Variants in CFAP65 observed in about 807,000 individuals in gnomAD.
CFAP65 encodes cilia- and flagella-associated protein 65.
In CFAP65, 155 loss-of-function variants were observed where a neutral mutation model predicts 208.0. The observed-to-expected ratio is 0.75, with a 90% CI of 0.65 to 0.85. CFAP65 has a LOEUF of 0.85. CFAP65 is among the 40% of genes least tolerant of loss of function. CFAP65 has a pLI of 0.00. For missense variants in CFAP65, 2,294 were observed against 2,451.3 expected, an observed-to-expected ratio of 0.94 and a Z score of 1.36; for synonymous variants, 970 against 986.3, an observed-to-expected ratio of 0.98 and a Z score of 0.31.
At position 219,004,835 on chromosome 2, in the gene CFAP65, G is replaced by T. The variant is rs945487072; in HGVS notation, c.5052-380C>A. ...CTGTCCTGGGGTGGGGGGGCCGGGG[G>T]GGGGGACCGTGGTGGGATCTTGCAA... On this transcript the variant is annotated intron_variant, in intron 32 of 34. Transcript: ENST00000341552. This position sits in a 1 kb window ranked among gnomAD's most constrained non-coding sequence, Gnocchi z 4.7. 1.4e-4 allele frequency among the ~76,000 whole-genome samples: 20 copies of T among 147,998 alleles called. No homozygotes were observed. The highest frequency in any genetic ancestry group is 4.4e-4 in the African/African-American group (18 of 40,668).
chr2:219,011,983 C>T (rs758884380), intron 24 of CFAP65, among the ~76,000 whole-genome samples: 2 of 152,254 alleles, frequency 1.3e-5, no homozygotes, highest in Non-Finnish European at 2.9e-5. Flanking sequence ...GGGATTAGTG[C>T]CCTTATAAAA....
In CFAP65 at chr2:219,024,022, T is replaced by C; in HGVS notation, c.2588A>G (p.Tyr863Cys). ...CCTCCCTCTGCCTCCTACCTTGAGA[T>C]ACTGGGGGGAAGCATTGCACTGCAG... ...FYLQCNASPQYLKEVSMYSRE... is the reference protein window; with the variant it reads ...FYLQCNASPQCLKEVSMYSRE... Residue 863 changes from tyrosine to cysteine, a missense_variant, in exon 15 of 35, where the codon TAT becomes TGT. Around this residue, in one of 2 missense-constraint regions of CFAP65, gnomAD observed 1,427 missense variants for 1,438.7 expected, o/e 0.99. Coordinates refer to ENST00000341552, the MANE Select transcript of CFAP65 (RefSeq NM_194302.4). 1 of 1,613,348 alleles carries C rather than the reference T, an allele frequency of 6.2e-7. No individual in the cohort carries two copies. Among genetic ancestry groups the C allele is most frequent in the Non-Finnish European group, 8.5e-7 (1 of 1,179,626 alleles).
intron 4 of CFAP65, among the ~76,000 whole-genome samples, chr2:219,036,038 C>T (rs145935020): frequency 5.9e-5 from 9 of 151,956 alleles, no homozygotes; most frequent in African/African-American, 7.3e-5. Context: ...CTCCCCTCTT[C>T]CTCCTCCCAG....
intron 5 of CFAP65, 177 bp downstream of exon 5, chr2:219,035,303 A>G (rs769624496): frequency 5.9e-6 from 9 of 1,525,118 alleles, no homozygotes; most frequent in African/African-American, 2.8e-5. Flanking sequence ...CTATACCACA[A>G]TGAAAAATAA....
At chr2:219,030,291 G>C in intron 9 of CFAP65, 83 bp from the exon 10 acceptor site, 1 of 1,427,490 alleles carries the variant, frequency 7.0e-7, no homozygotes, top group Non-Finnish European at 9.8e-7. Context: ...TTGTACTGGC[G>C]TGCCTAGCCA....
intron 14 of CFAP65, among the ~76,000 whole-genome samples, chr2:219,025,482 C>A (rs911536405): frequency 6.6e-6 from 1 of 152,158 alleles, no homozygotes; most frequent in Non-Finnish European, 1.5e-5. Context: ...TGGAAGCCGG[C>A]GGTCTGGCCC....
rs559315891 is a variant in CFAP65 at position 219,023,155 on chromosome 2, G to A, written c.2820+52C>T. The A allele has an allele frequency of 3.1e-5, 46 of 1,471,510 alleles. No individual in the cohort carries two copies. In the East Asian group the frequency reaches 1.0e-3, roughly 33 times the overall value. The allele number at this position is 1,471,510 out of a possible 1,614,324, so 91.2% of individuals were successfully genotyped here. A position where few individuals can be genotyped will look rare whatever the true frequency, so the allele number is the denominator to read the frequency against. On this transcript the variant is annotated intron_variant, in intron 16 of 34. Coordinates refer to ENST00000341552, the MANE Select transcript of CFAP65 (RefSeq NM_194302.4). ...TCTGGGCTATGATAGGCACAAATAAGAGATGACAGAAGTGAAGGTTGCCGT... is the reference window on the plus strand; with the variant it reads ...TCTGGGCTATGATAGGCACAAATAAAAGATGACAGAAGTGAAGGTTGCCGT...
chr2:219,014,064 C>A lies in CFAP65; in HGVS notation c.3603-20G>T. ...AAGGCCCTGGGAGAGGGGTGCAAAGCCATACAAAGAAACTGGTCAGGCAGA... is the reference window on the plus strand; with the variant it reads ...AAGGCCCTGGGAGAGGGGTGCAAAGACATACAAAGAAACTGGTCAGGCAGA... On this transcript the variant is annotated intron_variant, in intron 21 of 34. Transcript: ENST00000341552. The A allele has an allele frequency of 6.3e-7, 1 of 1,583,326 alleles. No individual in the cohort carries two copies. The highest frequency in any genetic ancestry group is 8.6e-7 in the Non-Finnish European group (1 of 1,162,636).
rs1232836599 is a variant in CFAP65 at position 219,027,854 on chromosome 2, G to T, written c.2007C>A (p.Pro669=). The T allele has an allele frequency of 6.3e-7, 1 of 1,582,464 alleles. No homozygotes were observed. The highest frequency in any genetic ancestry group is 2.2e-5 in the East Asian group (1 of 44,500). The part of the protein sequence containing the change: ...DFGACPGPEA[P]NPVPLCLMNH... Reference sequence around the variant, plus strand: ...TCATCAGGCACAGGGGTACAGGGTTGGGGGCCTCAGGCCCTGGGCAGGCAC... The same window carrying T: ...TCATCAGGCACAGGGGTACAGGGTTTGGGGCCTCAGGCCCTGGGCAGGCAC... Residue 669 remains proline, a synonymous_variant, in exon 13 of 35, where the codon CCC becomes CCA. Coordinates refer to ENST00000341552, the MANE Select transcript of CFAP65 (RefSeq NM_194302.4).
intron 3 of CFAP65, 117 bp from the exon 4 acceptor site, chr2:219,038,695 C>A: frequency 1.7e-6 from 2 of 1,160,460 alleles, no homozygotes; most frequent in Non-Finnish European, 2.5e-6. Flanking sequence ...CCAGCTCTGG[C>A]AACAGGTGCT....
In CFAP65 at chr2:219,031,155, C is replaced by T; in HGVS notation, c.966G>A (p.Trp322Ter). 2 of 1,608,192 alleles carry T rather than the reference C, an allele frequency of 1.2e-6. No homozygotes were observed. ...TCCTCTGCCGGCTGCCCGCCCCGTA[C>T]CAGCACGTGGCCTGCACCTCGTAGA... ...AVIYEVQATC[W>*]YGAGSRQRSS... The change falls in exon 8 of 35, where the codon TGG becomes TGA. Residue 322 changes from tryptophan to a stop codon, truncating the protein, a stop_gained. Coordinates refer to ENST00000341552, the MANE Select transcript of CFAP65 (RefSeq NM_194302.4). LOFTEE classifies it high-confidence loss of function. The surrounding 1 kb of genome is among the most constrained non-coding windows in gnomAD (Gnocchi z 5.2).
intron 4 of CFAP65, among the ~76,000 whole-genome samples, chr2:219,037,493 C>T (rs181650769): frequency 3.3e-5 from 5 of 152,300 alleles, no homozygotes; most frequent in East Asian, 3.9e-4. Context: ...AAGCTGCCAC[C>T]GCACCTAGGT....
chr2:219,030,252 G>C, intron 9 of CFAP65, 44 bp from the exon 10 acceptor site: 4 of 1,571,948 alleles, frequency 2.5e-6, no homozygotes, highest in Non-Finnish European at 3.5e-6. Flanking sequence ...TCACAGAGCA[G>C]AGCACTGTAT....
Position 219,023,386 on chromosome 2 carries a change from CCAGCTT to C in CFAP65, c.2635_2640del (p.Lys879_Leu880del), listed in dbSNP as rs1559141465. The C allele has an allele frequency of 6.3e-7, 1 of 1,597,740 alleles. No homozygotes were observed. Among genetic ancestry groups the C allele is most frequent in the African/African-American group, 1.3e-5 (1 of 74,890 alleles). On this transcript the variant is annotated inframe_deletion, in exon 16 of 35. Transcript: ENST00000341552. ...TTGAAGTAGAGGCTTTTGTGGGTGT[CCAGCTT>C]CAGCTGCAGTGGCTCCTCCCGGCTG...
intron 21 of CFAP65, 79 bp downstream of exon 21, chr2:219,018,972 A>C: frequency 2.3e-5 from 37 of 1,582,544 alleles, no homozygotes; most frequent in Non-Finnish European, 3.1e-5. Flanking sequence ...ACCACGGGCA[A>C]GAGAGTGCAG....
chr2:219,005,963 G>T, intron 31 of CFAP65, 58 bp downstream of exon 31: 1 of 1,543,812 alleles, frequency 6.5e-7, no homozygotes, highest in Non-Finnish European at 8.9e-7. Context: ...CCCTGCTCTG[G>T]AGTGGAAGAG....
chr2:219,031,825 A>C lies in CFAP65; in HGVS notation c.646-167T>G, dbSNP rs1948062437. Among the ~76,000 whole-genome samples the C allele has an allele frequency of 6.6e-6, 1 of 152,198 alleles. No individual in the cohort carries two copies. Among genetic ancestry groups the C allele is most frequent in the African/African-American group, 2.4e-5 (1 of 41,430 alleles). ...TGGGCACCTATGTTGTCTTGGTCTC[A>C]AACATTAGAGCCTCTTTTGTGGAAA... On this transcript the variant is annotated intron_variant, in intron 6 of 34. Coordinates refer to ENST00000341552, the MANE Select transcript of CFAP65 (RefSeq NM_194302.4). The surrounding 1 kb of genome is among the most constrained non-coding windows in gnomAD (Gnocchi z 5.2).
At chr2:219,013,023 C>A (rs1313880563) in intron 24 of CFAP65, among the ~76,000 whole-genome samples, 12 of 152,084 alleles carry the variant, frequency 7.9e-5, no homozygotes, top group Admixed American at 7.2e-4. Flanking sequence ...AAAAAAAAAT[C>A]CTCATTTTTT....
At chr2:219,016,338 A>G (rs1946884405) in intron 21 of CFAP65, among the ~76,000 whole-genome samples, 1 of 118,516 alleles carries the variant, frequency 8.4e-6, no homozygotes, top group African/African-American at 3.5e-5. Context: ...TCTGTCACCC[A>G]GGCTAGAGTG....
Sources: allele counts gnomAD v4.1 joint callset (sites outside exome capture counted in the v4.1 genomes callset), GRCh38; gene constraint gnomAD v4.1.1; regional missense constraint gnomAD v4.1.1; non-coding constraint Gnocchi (gnomAD v3.1); transcripts MANE v1.5; gene names NCBI Gene and HGNC (gene_info 2026-07-23, HGNC 2026-07-21).